The following PLA1A variants were observed in gnomAD, a reference collection of about 807,000 sequenced individuals.
PLA1A encodes phospholipase A1 member A.
A neutral mutation model predicts 49.4 loss-of-function variants in PLA1A; 47 were observed. That is an observed-to-expected ratio of 0.95 (90% CI 0.75 to 1.21). The LOEUF (loss-of-function observed/expected upper bound fraction) is 1.21, where lower values mean the gene tolerates loss of function less well. PLA1A is among the 50% of genes most tolerant of loss of function. The probability of loss-of-function intolerance (pLI) is 0.00; values close to 1 mark genes in which losing one functional copy is unlikely to be tolerated. For missense variants in PLA1A, 561 were observed against 563.9 expected, an observed-to-expected ratio of 0.99 and a Z score of 0.05; for synonymous variants, 224 against 207.9, an observed-to-expected ratio of 1.08 and a Z score of -0.67.
chr3:119,601,127 C>T (rs2107773906), intron 1 of PLA1A, among the ~76,000 whole-genome samples: 1 of 152,362 alleles, frequency 6.6e-6, no homozygotes, highest in African/African-American at 2.4e-5. Flanking sequence ...CCAACTCTGT[C>T]ACTGCCAGAA....
chr3:119,617,723 A>G (rs1408685734), intron 6 of PLA1A, among the ~76,000 whole-genome samples: 2 of 149,554 alleles, frequency 1.3e-5, no homozygotes, highest in African/African-American at 2.5e-5. Flanking sequence ...AGCCTGGGTG[A>G]CAGAGTGAGA....
Position 119,629,398 on chromosome 3 carries a change from G to A in PLA1A, c.1301G>A (p.Cys434Tyr), listed in dbSNP as rs2052592605. 2 of 1,606,492 alleles carry A rather than the reference G, an allele frequency of 1.2e-6. No homozygotes were observed. The highest frequency in any genetic ancestry group is 1.7e-6 in the Non-Finnish European group (2 of 1,173,240). The change falls in exon 11 of 11, where the codon TGC (cysteine) becomes TAC (tyrosine). Residue 434 changes from cysteine to tyrosine, a missense_variant. Physicochemically the swap from Cys to Tyr is radical, Grantham distance 194. Coordinates refer to ENST00000273371, the MANE Select transcript of PLA1A (RefSeq NM_015900.4). ...TTCTCTTCCAGAGAAAAGATGGTCT[G>A]CTTACCTGAACCAGTGAACTTACAA... ...LPVNDREKMV[C>Y]LPEPVNLQAS...
At chr3:119,605,319 T>C (rs1379894494) in intron 1 of PLA1A, among the ~76,000 whole-genome samples, 1 of 152,162 alleles carries the variant, frequency 6.6e-6, no homozygotes, top group Non-Finnish European at 1.5e-5. Flanking sequence ...GAAGCAGTGA[T>C]GGGGAAACCT....
intron 2 of PLA1A, among the ~76,000 whole-genome samples, chr3:119,608,191 A>G (rs559635954): frequency 1.4e-5 from 2 of 140,464 alleles, no homozygotes; most frequent in Non-Finnish European, 3.1e-5. Context: ...AGAGAAAGGA[A>G]GAAAGGAAAG....
intron 8 of PLA1A, among the ~76,000 whole-genome samples, chr3:119,621,976 C>T (rs541336725): frequency 2.0e-5 from 3 of 151,900 alleles, no homozygotes; most frequent in Non-Finnish European, 2.9e-5. Flanking sequence ...CCCAGCACTT[C>T]GGGAGGCTGA....
At chr3:119,622,154 A>AGG (rs59674762) in intron 8 of PLA1A, among the ~76,000 whole-genome samples, 1 of 46,866 alleles carries the variant, frequency 2.1e-5, no homozygotes, top group African/African-American at 8.2e-5. Context: ...GAGGAGGAAG[A>AGG]AGAAGAAGAA....
rs923081355 is a variant in PLA1A at position 119,609,359 on chromosome 3, G to C, written c.454-109G>C. 7.6e-6 allele frequency: 6 copies of C among 786,496 alleles called. No homozygotes were observed. The African/African-American group carries it at 1.0e-4, about 13-fold the overall frequency. The allele number at this position is 786,496 out of a possible 1,614,324, so 48.7% of individuals were successfully genotyped here. On this transcript the variant is annotated intron_variant, in intron 3 of 10. Coordinates refer to ENST00000273371, the MANE Select transcript of PLA1A (RefSeq NM_015900.4). ...TTTCCCTCCAAAGTAAGTGTGGTGG[G>C]TGTGTCATGCCCAGGGCCTCGGCTT...
intron 9 of PLA1A, among the ~76,000 whole-genome samples, chr3:119,628,010 G>C (rs1320572813): frequency 6.8e-6 from 1 of 147,324 alleles, no homozygotes. Context: ...GGGAATCTGG[G>C]GGGGCAAAGC....
At chr3:119,619,987 C>T (rs917105903) in intron 8 of PLA1A, 3 of 463,132 alleles carry the variant, frequency 6.5e-6, no homozygotes, top group Non-Finnish European at 1.3e-5. Flanking sequence ...TTGGCGCCCA[C>T]CCTATGTGGT....
chr3:119,629,239 T>C, intron 10 of PLA1A, 145 bp from the exon 11 acceptor site: 1 of 667,522 alleles, frequency 1.5e-6, no homozygotes. Flanking sequence ...TTACCACCCC[T>C]GGGCACTTGG....
intron 6 of PLA1A, among the ~76,000 whole-genome samples, chr3:119,616,964 C>T (rs1489487090): frequency 6.6e-6 from 1 of 152,154 alleles, no homozygotes; most frequent in Non-Finnish European, 1.5e-5. Flanking sequence ...GAGAGCTTGG[C>T]CATACAGAGT....
chr3:119,621,362 A>C (rs1380565284), intron 8 of PLA1A, among the ~76,000 whole-genome samples: 3 of 152,202 alleles, frequency 2.0e-5, no homozygotes. Context: ...GCACATAAAC[A>C]GGCATGCTCT....
At chr3:119,609,408 C>A (rs2082735321) in intron 3 of PLA1A, 60 bp from the exon 4 acceptor site, 1 of 1,037,270 alleles carries the variant, frequency 9.6e-7, no homozygotes. Context: ...GGAAAGCCTG[C>A]CACTGTGAAG....
chr3:119,606,495 C>G (rs1401588567), intron 1 of PLA1A, among the ~76,000 whole-genome samples: 1 of 152,156 alleles, frequency 6.6e-6, no homozygotes, highest in African/African-American at 2.4e-5. Context: ...TCAGTTCAGC[C>G]CGGAACAACA....
intron 1 of PLA1A, among the ~76,000 whole-genome samples, chr3:119,601,025 C>G (rs994272685): frequency 2.6e-5 from 4 of 152,326 alleles, no homozygotes; most frequent in South Asian, 4.1e-4. Context: ...TCCCGAGGAG[C>G]CTGGAGGAGG....
intron 8 of PLA1A, 44 bp from the exon 9 acceptor site, chr3:119,625,080 C>A (rs746410053): frequency 3.1e-6 from 4 of 1,299,988 alleles, no homozygotes; most frequent in Non-Finnish European, 3.4e-6. Flanking sequence ...GCCCATTGCA[C>A]CTTCTGCCCT....
At chr3:119,626,274 A>G (rs1305600113) in intron 9 of PLA1A, among the ~76,000 whole-genome samples, 1 of 152,232 alleles carries the variant, frequency 6.6e-6, no homozygotes, top group Non-Finnish European at 1.5e-5. Context: ...CCACTGGGTT[A>G]GACCTCACTG....
chr3:119,602,568 C>T (rs1431073790), intron 1 of PLA1A, among the ~76,000 whole-genome samples: 2 of 152,090 alleles, frequency 1.3e-5, no homozygotes, highest in East Asian at 1.9e-4. Flanking sequence ...GTACATCTAG[C>T]TCATTATTCT....
chr3:119,606,650 A>C, intron 1 of PLA1A, 124 bp from the exon 2 acceptor site: 1 of 640,976 alleles, frequency 1.6e-6, no homozygotes. Context: ...GCACTAGCTG[A>C]TGTATAATAA....
Sources: allele counts gnomAD v4.1 joint callset (sites outside exome capture counted in the v4.1 genomes callset), GRCh38; gene constraint gnomAD v4.1.1; transcripts MANE v1.5; gene names NCBI Gene and HGNC (gene_info 2026-07-23, HGNC 2026-07-21).